Variants in STK31 observed in about 807,000 individuals in gnomAD.
STK31 encodes serine/threonine kinase 31, also known as serine/threonine-protein kinase 31.
In STK31, 89 loss-of-function variants were observed where a neutral mutation model predicts 129.7. The observed-to-expected ratio is 0.69, with a 90% CI of 0.58 to 0.82. STK31 has a LOEUF of 0.82. STK31 is among the 40% of genes least tolerant of loss of function. STK31 has a pLI of 0.00. For synonymous variants in STK31, 448 were observed against 395.3 expected (o/e 1.13, Z -1.58); for missense variants, 1,187 against 1,176.4 (o/e 1.01, Z -0.13).
chr7:23,783,142 T>C (rs1310653834), intron 16 of STK31, among the ~76,000 whole-genome samples: 1 of 152,174 alleles, frequency 6.6e-6, no homozygotes, highest in Non-Finnish European at 1.5e-5. Flanking sequence ...TTTCAGAAAT[T>C]GGCAGCGAGG....
intron 8 of STK31, among the ~76,000 whole-genome samples, chr7:23,744,157 T>C (rs1206310172): frequency 6.6e-6 from 1 of 151,966 alleles, no homozygotes; most frequent in African/African-American, 2.4e-5. Flanking sequence ...TGAGCTCAAG[T>C]GATCCTCCTG....
chr7:23,715,448 G>A (rs1205082724), intron 3 of STK31, among the ~76,000 whole-genome samples: 7 of 100,816 alleles, frequency 6.9e-5, no homozygotes, highest in East Asian at 7.2e-4. Flanking sequence ...AGACCTTGTC[G>A]CTACAAAAAA....
At chr7:23,796,396 TA>T (rs1174993828) in intron 22 of STK31, among the ~76,000 whole-genome samples, 1 of 151,988 alleles carries the variant, frequency 6.6e-6, no homozygotes, top group African/African-American at 2.4e-5. Flanking sequence ...AGATATCCCA[TA>T]AGTGTGGTAA....
chr7:23,765,943 T>G (rs1442532910), intron 11 of STK31, among the ~76,000 whole-genome samples: 2 of 152,212 alleles, frequency 1.3e-5, no homozygotes, highest in African/African-American at 4.8e-5. Context: ...CCTACCACAA[T>G]TGTCTAGGAT....
At chr7:23,790,773 A>G in intron 21 of STK31, 51 bp from the exon 22 acceptor site, 2 of 1,453,590 alleles carry the variant, frequency 1.4e-6, no homozygotes, top group Non-Finnish European at 1.8e-6. Context: ...CTTCACAGAA[A>G]GTCACCTCAA....
At chr7:23,757,787 G>T (rs754620669) in intron 10 of STK31, among the ~76,000 whole-genome samples, 3 of 152,072 alleles carry the variant, frequency 2.0e-5, no homozygotes, top group Non-Finnish European at 2.9e-5. Flanking sequence ...GGACGGTCAG[G>T]TCTTTCCCTT....
At chr7:23,775,470 T>A (rs1422421073) in intron 15 of STK31, among the ~76,000 whole-genome samples, 1 of 152,012 alleles carries the variant, frequency 6.6e-6, no homozygotes, top group Non-Finnish European at 1.5e-5. Flanking sequence ...AGCATGAAAA[T>A]TTTTTCCATT....
intron 15 of STK31, among the ~76,000 whole-genome samples, chr7:23,778,918 G>A (rs547818535): frequency 6.6e-6 from 1 of 152,024 alleles, no homozygotes; most frequent in Non-Finnish European, 1.5e-5. Context: ...AAGATGTTCT[G>A]GTTTTTGAAA....
chr7:23,781,205 C>G (rs1790904473), intron 15 of STK31, among the ~76,000 whole-genome samples: 1 of 152,082 alleles, frequency 6.6e-6, no homozygotes, highest in African/African-American at 2.4e-5. Context: ...TATGTCTTTA[C>G]TTTTTGTAAT....
chr7:23,721,818 A>G (rs973627811), intron 4 of STK31: 2 of 560,588 alleles, frequency 3.6e-6, no homozygotes, highest in African/African-American at 3.8e-5. Flanking sequence ...GATCCTCTAC[A>G]TTCATTTGAT....
At chr7:23,829,984 C>G (rs1389360746) in intron 23 of STK31, among the ~76,000 whole-genome samples, 1 of 152,190 alleles carries the variant, frequency 6.6e-6, no homozygotes, top group African/African-American at 2.4e-5. Flanking sequence ...GAGTCTCCCT[C>G]TGTTGCCCAG....
chr7:23,750,790 T>C (rs1788664610), intron 8 of STK31, among the ~76,000 whole-genome samples: 2 of 152,232 alleles, frequency 1.3e-5, no homozygotes, highest in Non-Finnish European at 2.9e-5. Flanking sequence ...GTATGTGTGA[T>C]ATTTTGTCAT....
At chr7:23,802,421 C>T (rs1359492869) in intron 22 of STK31, among the ~76,000 whole-genome samples, 1 of 152,170 alleles carries the variant, frequency 6.6e-6, no homozygotes, top group Non-Finnish European at 1.5e-5. Flanking sequence ...GCTGGCTTCA[C>T]TGTGGTGCCT....
chr7:23,740,811 C>A (rs1005428226), intron 8 of STK31, among the ~76,000 whole-genome samples: 1 of 152,080 alleles, frequency 6.6e-6, no homozygotes, highest in African/African-American at 2.4e-5. Context: ...CATGTCCCTA[C>A]AAAGGACATT....
rs1466882879 is a variant in STK31 at position 23,712,118 on chromosome 7, A to G, written c.70A>G (p.Met24Val). 6.2e-7 allele frequency: 1 copy of G among 1,611,718 alleles called. No individual in the cohort carries two copies. Among genetic ancestry groups the G allele is most frequent in the Non-Finnish European group, 8.5e-7 (1 of 1,177,940 alleles). The change falls in exon 2 of 24, where the codon ATG (methionine) becomes GTG (valine). Residue 24 changes from methionine to valine, a missense_variant. Met to Val is a conservative substitution (Grantham distance 21). Around this residue, in one of 5 missense-constraint regions of STK31, gnomAD observed 104 missense variants for 98.3 expected, o/e 1.06. Transcript: ENST00000355870. ...ESVSFSGIVQ[M>V]DEDTHYDKVE... ...TTCTAGTTTTTCAGGAATTGTTCAA[A>G]TGGATGAAGATACACATTACGATAA...
chr7:23,710,235 CG>C lies in STK31; in HGVS notation c.-49del, dbSNP rs1785841504. 6.3e-7 allele frequency: 1 copy of C among 1,590,344 alleles called. No homozygotes were observed. The highest frequency in any genetic ancestry group is 8.6e-7 in the Non-Finnish European group (1 of 1,166,858). On this transcript the variant is annotated 5_prime_UTR_variant, in exon 1 of 24. Transcript: ENST00000355870. ...GGGGCCCTTGCGGTCGAAGCTCACGCGGTAAGCCGCTGCACGTGTGCTACGG... is the reference window on the plus strand; with the variant it reads ...GGGGCCCTTGCGGTCGAAGCTCACGCGTAAGCCGCTGCACGTGTGCTACGG...
intron 17 of STK31, 129 bp downstream of exon 17, chr7:23,783,792 G>T: frequency 1.5e-6 from 1 of 657,852 alleles, no homozygotes; most frequent in Non-Finnish European, 2.4e-6. Flanking sequence ...TATTTTATGG[G>T]TATTAGAACT....
At chr7:23,741,244 T>C (rs960901487) in intron 8 of STK31, among the ~76,000 whole-genome samples, 3 of 152,208 alleles carry the variant, frequency 2.0e-5, no homozygotes, top group Non-Finnish European at 2.9e-5. Context: ...GGAAAAGTTA[T>C]TTCTCCAAGC....
At chr7:23,802,413 T>C (rs193247711) in intron 22 of STK31, among the ~76,000 whole-genome samples, 84 of 152,344 alleles carry the variant, frequency 5.5e-4, no homozygotes, top group African/African-American at 1.9e-3. Flanking sequence ...TGAAGTCTGC[T>C]GGCTTCACTG....
Sources: gnomAD v4.1 joint callset for allele counts (sites outside exome capture counted in the v4.1 genomes callset) on GRCh38, gnomAD v4.1.1 for gene constraint, gnomAD v4.1.1 regional missense constraint, MANE v1.5 for transcripts, NCBI Gene and HGNC (gene_info 2026-07-23, HGNC 2026-07-21) for gene names.